STPG2: variants seen among roughly 807,000 people sequenced by gnomAD.
The protein encoded by STPG2 is sperm-tail PG-rich repeat-containing protein 2.
Under a neutral mutation model 54.2 loss-of-function variants are expected in STPG2, and 56 were observed. That is an observed-to-expected ratio of 1.03 (90% confidence interval 0.83 to 1.29). The LOEUF (loss-of-function observed/expected upper bound fraction) is 1.29. Among genes scored for constraint, STPG2 ranks in the 50% most tolerant of loss-of-function variants. The pLI, the probability that STPG2 is intolerant of heterozygous loss-of-function variation, is 0.00. For synonymous variants in STPG2, 200 were observed against 181.8 expected (o/e 1.10, Z -0.81); for missense variants, 596 against 544.9 (o/e 1.09, Z -0.93).
chr4:97,522,985 A>C (rs1434853565), intron 4 of STPG2, among the ~76,000 whole-genome samples: 2 of 152,012 alleles, frequency 1.3e-5, no homozygotes, highest in Non-Finnish European at 2.9e-5. Context: ...GACATTTGTC[A>C]CATGTGAATG....
chr4:97,863,775 G>C (rs1186128070), intron 8 of STPG2, among the ~76,000 whole-genome samples: 5 of 152,168 alleles, frequency 3.3e-5, no homozygotes, highest in African/African-American at 1.2e-4. Context: ...TCATCCCTGG[G>C]ATGCAAGGCT....
At chr4:97,613,543 A>C in intron 10 of STPG2, among the ~76,000 whole-genome samples, 1 of 148,916 alleles carries the variant, frequency 6.7e-6, no homozygotes, top group East Asian at 2.0e-4. Flanking sequence ...TGTGTGTATT[A>C]GGGAATGGGG....
intron 5 of STPG2, among the ~76,000 whole-genome samples, chr4:98,067,517 T>C (rs140408828): frequency 6.6e-6 from 1 of 152,322 alleles, no homozygotes; most frequent in African/African-American, 2.4e-5. Context: ...GATACTAAAA[T>C]AAGTTAATGT....
intron 5 of STPG2, among the ~76,000 whole-genome samples, chr4:97,988,158 C>T (rs1407268081): frequency 6.6e-6 from 1 of 152,046 alleles, no homozygotes; most frequent in Non-Finnish European, 1.5e-5. Flanking sequence ...ATATCTGCTT[C>T]ACGACCTTGG....
intron 10 of STPG2, among the ~76,000 whole-genome samples, chr4:97,588,619 A>G (rs1417442743): frequency 6.6e-6 from 1 of 152,122 alleles, no homozygotes; most frequent in South Asian, 2.1e-4. Context: ...AGCTCATATC[A>G]TCAGAGAGAA....
intron 9 of STPG2, among the ~76,000 whole-genome samples, chr4:97,795,214 T>C (rs914952355): frequency 2.0e-5 from 3 of 152,224 alleles, no homozygotes; most frequent in Non-Finnish European, 2.9e-5. Context: ...TTCTTTATTA[T>C]ACTTTAAGTT....
At chr4:98,002,251 T>C (rs907290921) in intron 5 of STPG2, among the ~76,000 whole-genome samples, 2 of 152,110 alleles carry the variant, frequency 1.3e-5, no homozygotes, top group African/African-American at 4.8e-5. Flanking sequence ...ATTACTCATA[T>C]TTATTTAAGT....
chr4:97,915,684 G>C (rs1731848037), intron 8 of STPG2, among the ~76,000 whole-genome samples: 1 of 152,038 alleles, frequency 6.6e-6, no homozygotes, highest in South Asian at 2.1e-4. Flanking sequence ...AAATGACGGA[G>C]GCAGGAAAGT....
chr4:97,876,660 A>C (rs1047670648), intron 8 of STPG2, among the ~76,000 whole-genome samples: 2 of 152,064 alleles, frequency 1.3e-5, no homozygotes, highest in Admixed American at 1.3e-4. Context: ...TACTCTATGT[A>C]AGTTTTAAAA....
At chr4:97,448,066 T>A (rs1001167752) in intron 4 of STPG2, among the ~76,000 whole-genome samples, 1 of 152,214 alleles carries the variant, frequency 6.6e-6, no homozygotes, top group African/African-American at 2.4e-5. Flanking sequence ...TAGGATTTAA[T>A]CTCTGCCCTG....
intron 8 of STPG2, among the ~76,000 whole-genome samples, chr4:97,860,125 C>G (rs1203520439): frequency 6.6e-6 from 1 of 152,148 alleles, no homozygotes; most frequent in African/African-American, 2.4e-5. Context: ...TCTTGTTAAC[C>G]ATAGCCTTGT....
chr4:97,924,534 T>C (rs1023529751), intron 8 of STPG2, among the ~76,000 whole-genome samples: 1 of 152,180 alleles, frequency 6.6e-6, no homozygotes, highest in Middle Eastern at 3.2e-3. Flanking sequence ...TATTTCTACA[T>C]GTAAATCCAG....
intron 8 of STPG2, among the ~76,000 whole-genome samples, chr4:97,938,302 T>C (rs914429899): frequency 9.9e-5 from 15 of 151,818 alleles, no homozygotes; most frequent in Admixed American, 2.6e-4. Flanking sequence ...CCCCCAAGAG[T>C]CCGGTGTCTT....
chr4:98,036,041 C>G (rs1389515946), intron 5 of STPG2, among the ~76,000 whole-genome samples: 1 of 151,894 alleles, frequency 6.6e-6, no homozygotes, highest in Non-Finnish European at 1.5e-5. Flanking sequence ...ACATGTATAC[C>G]TCTGTAACAA....
intron 10 of STPG2, among the ~76,000 whole-genome samples, chr4:97,582,565 C>T (rs903578935): frequency 1.3e-5 from 2 of 152,018 alleles, no homozygotes; most frequent in East Asian, 3.8e-4. Flanking sequence ...ATCAATAAAT[C>T]TATTTCTCTG....
chr4:97,919,511 C>T (rs1018697978), intron 8 of STPG2, among the ~76,000 whole-genome samples: 1 of 151,140 alleles, frequency 6.6e-6, no homozygotes, highest in Non-Finnish European at 1.5e-5. Context: ...CTATAGTTTT[C>T]ATAAACACAA....
At chr4:97,911,563 G>A (rs1180530055) in intron 8 of STPG2, among the ~76,000 whole-genome samples, 1 of 152,206 alleles carries the variant, frequency 6.6e-6, no homozygotes, top group Non-Finnish European at 1.5e-5. Flanking sequence ...CACAGCTGCT[G>A]TGGCAAATCG....
In STPG2 at chr4:97,914,177, T is replaced by C. The variant is rs530477455; in HGVS notation, c.1044+29720A>G. On this transcript the variant is annotated intron_variant, in intron 8 of 10. Coordinates refer to ENST00000295268, the MANE Select transcript of STPG2 (RefSeq NM_174952.3). ...TATAGAGCTGTTTTCAGAGTAATCTTTGTCTGAAAGTAAATTATTACCCCA... is the reference window on the plus strand; with the variant it reads ...TATAGAGCTGTTTTCAGAGTAATCTCTGTCTGAAAGTAAATTATTACCCCA... 2.3e-4 allele frequency among the ~76,000 whole-genome samples: 35 copies of C among 152,290 alleles called. 1 individual carries two copies. The Middle Eastern group carries it at 0.01, about 44-fold the overall frequency.
intron 1 of STPG2, among the ~76,000 whole-genome samples, chr4:98,141,870 T>C (rs1335966055): frequency 1.3e-5 from 2 of 149,558 alleles, no homozygotes; most frequent in Non-Finnish European, 2.9e-5. Flanking sequence ...GATGATGCCC[T>C]GATTCGGCAT....
Sources: gnomAD v4.1 joint callset for allele counts (sites outside exome capture counted in the v4.1 genomes callset) on GRCh38, gnomAD v4.1.1 for gene constraint, MANE v1.5 for transcripts, NCBI Gene and HGNC (gene_info 2026-07-23, HGNC 2026-07-21) for gene names.